BCL9: variants seen among roughly 807,000 people sequenced by gnomAD.
BCL9 encodes B-cell CLL/lymphoma 9 protein.
Under a neutral mutation model 88.5 loss-of-function variants are expected in BCL9, and 25 were observed. The ratio of observed to expected loss-of-function variants is 0.28; its 90% CI spans 0.21 to 0.39. The LOEUF (loss-of-function observed/expected upper bound fraction) is 0.39, where lower values mean the gene tolerates loss of function less well. Among genes scored for constraint, BCL9 ranks in the 10% least tolerant of loss-of-function variants. The pLI, the probability that BCL9 is intolerant of heterozygous loss-of-function variation, is 1.00. For missense variants in BCL9, 1,817 were observed against 1,877.8 expected (o/e 0.97, Z 0.60); for synonymous variants, 711 against 673.3 (o/e 1.06, Z -0.87).
At chr1:147,563,571 G>A (rs1655477827) in intron 1 of BCL9, among the ~76,000 whole-genome samples, 1 of 152,162 alleles carries the variant, frequency 6.6e-6, no homozygotes, top group Non-Finnish European at 1.5e-5. Context: ...TTTGAACAAA[G>A]GCATCACTTC....
At chr1:147,615,238 T>C (rs1553203649) in intron 6 of BCL9, among the ~76,000 whole-genome samples, 9 of 152,212 alleles carry the variant, frequency 5.9e-5, no homozygotes, top group Non-Finnish European at 1.3e-4. Context: ...GTAACAAATG[T>C]CCATTCTAGA....
At chr1:147,581,804 A>AT (rs1227089660) in intron 1 of BCL9, among the ~76,000 whole-genome samples, 3 of 152,046 alleles carry the variant, frequency 2.0e-5, no homozygotes, top group African/African-American at 4.8e-5. Flanking sequence ...TCTGTTTTTC[A>AT]TTGCAGATAT....
chr1:147,599,416 G>A (rs1158474733), intron 1 of BCL9, among the ~76,000 whole-genome samples: 1 of 152,198 alleles, frequency 6.6e-6, no homozygotes, highest in Non-Finnish European at 1.5e-5. Context: ...GGGAAAGACC[G>A]GCTCTTCAAT....
At position 147,620,185 on chromosome 1, in the gene BCL9, T is replaced by A; in HGVS notation, c.2030T>A (p.Phe677Tyr). 6.2e-7 allele frequency: 1 copy of A among 1,614,080 alleles called. No homozygotes were observed. The highest frequency in any genetic ancestry group is 8.5e-7 in the Non-Finnish European group (1 of 1,179,956). ...RHMEPGNNPIFPRIPVEGPLS... is the reference protein window; with the variant it reads ...RHMEPGNNPIYPRIPVEGPLS... The stretch of plus-strand genomic sequence containing the variant: ...ATGGAGCCTGGGAATAACCCCATTT[T>A]CCCTCGAATACCAGTTGAGGGCCCT... The change falls in exon 8 of 10, where the codon TTC (phenylalanine) becomes TAC (tyrosine). Residue 677 changes from phenylalanine (F) to tyrosine (Y), a missense_variant. Coordinates refer to ENST00000234739, the MANE Select transcript of BCL9 (RefSeq NM_004326.4).
intron 1 of BCL9, among the ~76,000 whole-genome samples, chr1:147,587,662 C>A (rs1656675357): frequency 6.6e-6 from 1 of 152,066 alleles, no homozygotes; most frequent in African/African-American, 2.4e-5. Flanking sequence ...CAGAGAAGTT[C>A]TTCTCCTTAG....
intron 1 of BCL9, among the ~76,000 whole-genome samples, chr1:147,587,222 T>A (rs1244051552): frequency 6.6e-6 from 1 of 151,914 alleles, no homozygotes. Flanking sequence ...CCAGACTTTA[T>A]ACGCCCGAGA....
intron 1 of BCL9, among the ~76,000 whole-genome samples, chr1:147,582,324 A>C (rs1269768629): frequency 1.2e-4 from 19 of 152,222 alleles, no homozygotes; most frequent in Admixed American, 1.2e-3. Context: ...TTTCTGTCCA[A>C]GTTTCTCCAT....
At chr1:147,621,092 T>A (rs782459131) in intron 8 of BCL9, 35 bp downstream of exon 8, 2 of 1,570,448 alleles carry the variant, frequency 1.3e-6, no homozygotes, top group South Asian at 1.1e-5. Context: ...TTGCACCTAG[T>A]AGCTGGAGAC....
chr1:147,610,939 G>A (rs905580477), intron 3 of BCL9, among the ~76,000 whole-genome samples: 1 of 152,208 alleles, frequency 6.6e-6, no homozygotes, highest in African/African-American at 2.4e-5. Flanking sequence ...TCATTAAGCA[G>A]TGAGAACACT....
chr1:147,612,828 G>T lies in BCL9; in HGVS notation c.54-55G>T, dbSNP rs1658079037. 6 of 1,553,782 alleles carry T rather than the reference G, an allele frequency of 3.9e-6. No individual in the cohort carries two copies. The African/African-American group carries it at 5.4e-5, about 14-fold the overall frequency. On this transcript the variant is annotated intron_variant, in intron 4 of 9. Coordinates refer to ENST00000234739, the MANE Select transcript of BCL9 (RefSeq NM_004326.4). ...AATAGAAACTGCCTCTCTCTAATTTGTGCTGACCAGCTGTATCTGGTGTCT... is the reference window on the plus strand; with the variant it reads ...AATAGAAACTGCCTCTCTCTAATTTTTGCTGACCAGCTGTATCTGGTGTCT...
intron 1 of BCL9, among the ~76,000 whole-genome samples, chr1:147,567,298 G>A (rs1553196843): frequency 6.6e-6 from 1 of 152,166 alleles, no homozygotes. Flanking sequence ...AAATTTTTCA[G>A]AAGAGAATTT....
At chr1:147,587,230 A>G (rs868955462) in intron 1 of BCL9, among the ~76,000 whole-genome samples, 25 of 151,386 alleles carry the variant, frequency 1.7e-4, no homozygotes, top group African/African-American at 5.4e-4. Context: ...TATACGCCCG[A>G]GAGAACCCAA....
chr1:147,551,257 C>G (rs1654889744), intron 1 of BCL9, among the ~76,000 whole-genome samples: 2 of 152,188 alleles, frequency 1.3e-5, no homozygotes, highest in South Asian at 4.1e-4. Context: ...TAAGTGACAA[C>G]TAGAGTGTAA....
At chr1:147,618,590 C>T (rs1658422311) in intron 7 of BCL9, among the ~76,000 whole-genome samples, 1 of 151,576 alleles carries the variant, frequency 6.6e-6, no homozygotes, top group Admixed American at 6.6e-5. Context: ...GTTATTGAAA[C>T]CTAATCTTCA....
chr1:147,613,666 C>A (rs1658126631), intron 5 of BCL9, among the ~76,000 whole-genome samples: 1 of 152,108 alleles, frequency 6.6e-6, no homozygotes, highest in Admixed American at 6.5e-5. Flanking sequence ...CAAGAGGAAG[C>A]CTTAATGGCC....
chr1:147,585,511 T>C (rs1237964354), intron 1 of BCL9, among the ~76,000 whole-genome samples: 1 of 152,166 alleles, frequency 6.6e-6, no homozygotes, highest in African/African-American at 2.4e-5. Context: ...AATTAATTGC[T>C]ATGTAGTCCA....
intron 1 of BCL9, chr1:147,600,270 C>G (rs1238911724): frequency 1.3e-5 from 2 of 154,634 alleles, no homozygotes. Flanking sequence ...GGGCTGAGAG[C>G]CGCCCCGGAC....
chr1:147,614,340 A>G, intron 5 of BCL9, 87 bp from the exon 6 acceptor site: 1 of 1,329,640 alleles, frequency 7.5e-7, no homozygotes, highest in Non-Finnish European at 1.0e-6. Flanking sequence ...TGAAATTCTC[A>G]AGGTGGGTTT....
chr1:147,582,493 TG>T (rs1216408946), intron 1 of BCL9, among the ~76,000 whole-genome samples: 1 of 152,202 alleles, frequency 6.6e-6, no homozygotes. Flanking sequence ...TTGCTATTAG[TG>T]CCAAATTGAT....
Sources: allele counts gnomAD v4.1 joint callset (sites outside exome capture counted in the v4.1 genomes callset), GRCh38; gene constraint gnomAD v4.1.1; transcripts MANE v1.5; gene names NCBI Gene and HGNC (gene_info 2026-07-23, HGNC 2026-07-21).